CBLN2: variants seen among roughly 807,000 people sequenced by gnomAD.
The protein encoded by CBLN2 is cerebellin-2.
CBLN2 carries 7 observed loss-of-function variants against 15.0 expected under a neutral mutation model. The ratio of observed to expected loss-of-function variants is 0.47; its 90% CI spans 0.27 to 0.88. CBLN2 has a LOEUF of 0.88. Among genes scored for constraint, CBLN2 ranks in the 40% least tolerant of loss-of-function variants. The probability of loss-of-function intolerance (pLI) is 0.14; values close to 1 mark genes in which losing one functional copy is unlikely to be tolerated. For missense variants in CBLN2, 242 were observed against 304.5 expected (o/e 0.79, Z 1.53); for synonymous variants, 149 against 135.2 (o/e 1.10, Z -0.71).
chr18:72,551,092 C>T (rs1250087513), intron 1 of CBLN2, among the ~76,000 whole-genome samples: 2 of 151,920 alleles, frequency 1.3e-5, no homozygotes, highest in African/African-American at 4.8e-5. Context: ...TGTTTTTCAA[C>T]ACATCTAGTA....
intron 1 of CBLN2, among the ~76,000 whole-genome samples, chr18:72,573,917 T>A (rs1380337609): frequency 3.9e-5 from 6 of 152,218 alleles, no homozygotes; most frequent in African/African-American, 1.4e-4. Context: ...AAATAAGAGT[T>A]CTTGTTGCAC....
At chr18:72,569,720 G>T (rs190985091) in intron 1 of CBLN2, among the ~76,000 whole-genome samples, 1 of 152,170 alleles carries the variant, frequency 6.6e-6, no homozygotes, top group Admixed American at 6.5e-5. Flanking sequence ...GCCAGATCTC[G>T]TGTGAACTAC....
chr18:72,605,444 T>C (rs117373109), intron 1 of CBLN2, among the ~76,000 whole-genome samples: 1 of 152,228 alleles, frequency 6.6e-6, no homozygotes, highest in East Asian at 1.9e-4. Context: ...CCGCTTCTTA[T>C]AATAGATGCA....
rs899876086 is a variant in CBLN2 at position 72,553,244 on chromosome 18, A to G, written c.16-14472T>C. On this transcript the variant is annotated intron_variant, in intron 1 of 2. Coordinates refer to the CBLN2 transcript ENST00000581073. ...AACACTGAGCTGGATCTCAGGGCTC[A>G]GCAACTCCAAAGAGGACTTTGGGAA... Among the ~76,000 whole-genome samples, 3 of 152,176 alleles carry G rather than the reference A, an allele frequency of 2.0e-5. No homozygotes were observed. In the South Asian group the frequency reaches 6.2e-4, roughly 32 times the overall value.
intron 1 of CBLN2, among the ~76,000 whole-genome samples, chr18:72,608,132 G>T (rs1455115510): frequency 6.6e-6 from 1 of 152,094 alleles, no homozygotes; most frequent in African/African-American, 2.4e-5. Flanking sequence ...TATAATAACA[G>T]TTCCCACACT....
intron 1 of CBLN2, among the ~76,000 whole-genome samples, chr18:72,578,878 C>T (rs1485400244): frequency 6.6e-6 from 1 of 152,160 alleles, no homozygotes; most frequent in Non-Finnish European, 1.5e-5. Flanking sequence ...AAATAACTTT[C>T]CTTTTTCCTC....
At chr18:72,625,504 G>A (rs2069730184) in intron 1 of CBLN2, among the ~76,000 whole-genome samples, 1 of 151,472 alleles carries the variant, frequency 6.6e-6, no homozygotes, top group Non-Finnish European at 1.5e-5. Context: ...CAACCATGAT[G>A]TTTTTTCTGT....
chr18:72,575,814 T>C (rs1283419694), intron 1 of CBLN2, among the ~76,000 whole-genome samples: 1 of 9,472 alleles, frequency 1.1e-4, no homozygotes, highest in Non-Finnish European at 4.8e-3. Context: ...GGTGACCTGA[T>C]TGGCTGAGTA....
intron 1 of CBLN2, among the ~76,000 whole-genome samples, chr18:72,552,138 C>T (rs1372544755): frequency 2.0e-5 from 3 of 151,400 alleles, no homozygotes; most frequent in Non-Finnish European, 4.4e-5. Context: ...CTCTTTTTGC[C>T]CAGGCTGGTA....
intron 1 of CBLN2, among the ~76,000 whole-genome samples, chr18:72,590,071 C>T (rs923008321): frequency 4.7e-4 from 72 of 152,178 alleles, no homozygotes; most frequent in African/African-American, 1.7e-3. Flanking sequence ...ATCAAGACCA[C>T]CCTGGCTAAC....
chr18:72,630,495 A>AACAC (rs3030024), intron 1 of CBLN2, among the ~76,000 whole-genome samples: 2,833 of 140,400 alleles, frequency 0.02, 26 homozygotes, highest in South Asian at 0.032. Flanking sequence ...CTACTGCTCC[A>AACAC]ACACACACAC....
chr18:72,581,249 C>A (rs2069401851), intron 1 of CBLN2, among the ~76,000 whole-genome samples: 1 of 152,088 alleles, frequency 6.6e-6, no homozygotes, highest in Admixed American at 6.6e-5. Context: ...TAATTGTATA[C>A]CTTGAGGAAT....
At chr18:72,546,397 A>G (rs1375737348), upstream of CBLN2, among the ~76,000 whole-genome samples, 1 of 152,012 alleles carries the variant, frequency 6.6e-6, no homozygotes, top group Non-Finnish European at 1.5e-5. Context: ...AGATCGGGCC[A>G]CTGCAGTCCT....
intron 1 of CBLN2, among the ~76,000 whole-genome samples, chr18:72,614,941 A>G (rs1490303231): frequency 6.7e-6 from 1 of 149,582 alleles, no homozygotes; most frequent in Non-Finnish European, 1.5e-5. Flanking sequence ...GCTTTTCAGC[A>G]TAATATATGT....
intron 1 of CBLN2, among the ~76,000 whole-genome samples, chr18:72,629,724 A>G (rs2069762758): frequency 6.6e-6 from 1 of 152,132 alleles, no homozygotes; most frequent in Admixed American, 6.6e-5. Flanking sequence ...ATATTTCTCT[A>G]GTAACTTGAC....
intron 1 of CBLN2, among the ~76,000 whole-genome samples, chr18:72,604,208 T>C (rs1375724922): frequency 6.6e-6 from 1 of 152,204 alleles, no homozygotes; most frequent in Non-Finnish European, 1.5e-5. Flanking sequence ...CTCAGACCTG[T>C]TGAAACAGTC....
intron 1 of CBLN2, among the ~76,000 whole-genome samples, chr18:72,622,853 C>T (rs1235907273): frequency 6.6e-6 from 1 of 152,146 alleles, no homozygotes; most frequent in South Asian, 2.1e-4. Flanking sequence ...CGTCTTTGAG[C>T]TATGTTCTAC....
At chr18:72,590,624 C>T (rs904574245) in intron 1 of CBLN2, among the ~76,000 whole-genome samples, 1 of 152,128 alleles carries the variant, frequency 6.6e-6, no homozygotes, top group Non-Finnish European at 1.5e-5. Context: ...AGAATTATGT[C>T]ACTAGTGTAC....
chr18:72,555,448 G>A (rs1283347690), intron 1 of CBLN2, among the ~76,000 whole-genome samples: 5 of 115,916 alleles, frequency 4.3e-5, no homozygotes, highest in African/African-American at 6.9e-5. Flanking sequence ...GTGTGTGGGC[G>A]TGTGTGTGTG....
Sources: gnomAD v4.1 joint callset for allele counts (sites outside exome capture counted in the v4.1 genomes callset) on GRCh38, gnomAD v4.1.1 for gene constraint, MANE v1.5 for transcripts, NCBI Gene and HGNC (gene_info 2026-07-23, HGNC 2026-07-21) for gene names.